DLL3: variants seen among roughly 807,000 people sequenced by gnomAD.
DLL3 encodes the protein delta like canonical Notch ligand 3.
A neutral mutation model predicts 55.0 loss-of-function variants in DLL3; 49 were observed. The observed-to-expected ratio is 0.89, with a 90% CI of 0.71 to 1.13. The LOEUF is 1.13. DLL3 is among the 50% of genes most tolerant of loss of function. The probability of loss-of-function intolerance (pLI) is 0.00; values close to 1 mark genes in which losing one functional copy is unlikely to be tolerated. For missense variants in DLL3, 962 were observed against 875.5 expected, an observed-to-expected ratio of 1.10 and a Z score of -1.25; for synonymous variants, 421 against 385.2, an observed-to-expected ratio of 1.09 and a Z score of -1.09.
At chr19:39,502,472 CA>C (rs1271482736) in intron 3 of DLL3, among the ~76,000 whole-genome samples, 1 of 151,976 alleles carries the variant, frequency 6.6e-6, no homozygotes, top group African/African-American at 2.4e-5. Flanking sequence ...ACGGTTTCAC[CA>C]TGTTGATCAG....
chr19:39,502,332 C>T (rs897017408), intron 3 of DLL3, among the ~76,000 whole-genome samples: 1 of 151,938 alleles, frequency 6.6e-6, no homozygotes, highest in African/African-American at 2.4e-5. Context: ...TGGCCGATCT[C>T]GGCTCACTGC....
chr19:39,505,078 G>C (rs760898374), intron 5 of DLL3, 151 bp from the exon 6 acceptor site: 1 of 762,372 alleles, frequency 1.3e-6, no homozygotes, highest in African/African-American at 1.7e-5. Context: ...GGAGTGGATC[G>C]AGGGGATGTC....
intron 3 of DLL3, among the ~76,000 whole-genome samples, chr19:39,502,545 T>C (rs192124904): frequency 1.6e-4 from 24 of 152,244 alleles, no homozygotes; most frequent in Non-Finnish European, 1.5e-4. Flanking sequence ...GATTTCAGGC[T>C]TGAGCCACCA....
In DLL3 at chr19:39,504,161, G is replaced by A; in HGVS notation, c.743G>A (p.Cys248Tyr). 6.2e-7 allele frequency: 1 copy of A among 1,612,446 alleles called. No homozygotes were observed. The highest frequency in any genetic ancestry group is 8.5e-7 in the Non-Finnish European group (1 of 1,180,006). ...RCLEGWTGPL[C>Y]TVPVSTSSCL... The stretch of plus-strand genomic sequence containing the variant: ...CTAGAGGGCTGGACTGGACCCCTCT[G>A]CACGGTCCCTGTCTCCACCAGCAGC... Residue 248 changes from cysteine (C) to tyrosine (Y), a missense_variant, in exon 5 of 9, where the codon TGC becomes TAC. Physicochemically the swap from Cys to Tyr is radical, Grantham distance 194. Transcript: ENST00000356433.
At chr19:39,507,017 T>C in intron 6 of DLL3, 22 bp from the exon 7 acceptor site, 1 of 1,532,224 alleles carries the variant, frequency 6.5e-7, no homozygotes, top group East Asian at 2.4e-5. Context: ...GACTGCGCCC[T>C]CTGATGCTCC....
rs936206835 is a variant in DLL3, at chr19:39,499,354, G to A, written c.232G>A (p.Ala78Thr). The stretch of plus-strand genomic sequence containing the variant: ...AGAGGAGGCCGCCGAGTCCCCGTGC[G>A]CCCTGGGCGCGGCGCTGAGTGCGCG... ...LSEEAAESPCALGAALSARGP... is the reference protein window; with the variant it reads ...LSEEAAESPCTLGAALSARGP... Residue 78 changes from alanine (A) to threonine (T), a missense_variant, in exon 2 of 9, where the codon GCC becomes ACC. Coordinates refer to ENST00000356433, the MANE Select transcript of DLL3 (RefSeq NM_203486.3). The A allele has an allele frequency of 1.9e-6, 3 of 1,556,274 alleles. No homozygotes were observed. The African/African-American group carries it at 4.1e-5, about 21-fold the overall frequency.
At chr19:39,499,691 G>A (rs545509452) in intron 2 of DLL3, among the ~76,000 whole-genome samples, 1 of 152,176 alleles carries the variant, frequency 6.6e-6, no homozygotes, top group South Asian at 2.1e-4. Flanking sequence ...CCCAACCCTG[G>A]ATGCTGGGAC....
intron 3 of DLL3, 43 bp from the exon 4 acceptor site, chr19:39,502,772 G>T (rs1436927157): frequency 1.5e-6 from 2 of 1,331,554 alleles, no homozygotes; most frequent in Non-Finnish European, 1.9e-6. Flanking sequence ...ATCCATGTTC[G>T]GCCGGGCCCA....
At chr19:39,506,062 ATT>A in intron 6 of DLL3, among the ~76,000 whole-genome samples, 1 of 152,074 alleles carries the variant, frequency 6.6e-6, no homozygotes, top group East Asian at 1.9e-4. Context: ...AATACAAAAA[ATT>A]AGCCGGGCGT....
intron 6 of DLL3, among the ~76,000 whole-genome samples, chr19:39,506,211 C>CAAAAAAAAAAAA: frequency 1.8e-5 from 1 of 54,534 alleles, no homozygotes; most frequent in South Asian, 6.5e-4. Context: ...CACTCTGTCT[C>CAAAAAAAAAAAA]AAAAAAAAAA....
chr19:39,500,726 G>T, intron 3 of DLL3, 54 bp downstream of exon 3: 1 of 1,512,944 alleles, frequency 6.6e-7, no homozygotes, highest in Admixed American at 1.7e-5. Flanking sequence ...CGTGAGACAC[G>T]GGGTTGGTGG....
At position 39,500,505 on chromosome 19, in the gene DLL3, A is replaced by G. The variant is rs559653962; in HGVS notation, c.352-110A>G. 538 of 862,158 alleles carry G rather than the reference A, an allele frequency of 6.2e-4. 4 individuals carry two copies. In the South Asian group the frequency reaches 6.7e-3, roughly 11 times the overall value. The allele number at this position is 862,158 out of a possible 1,614,324, so 53.4% of individuals were successfully genotyped here. On this transcript the variant is annotated intron_variant, in intron 2 of 8. Transcript: ENST00000356433. ...TCTGGGAATTGTCCCTTGCTTGCTC[A>G]GTCCCCAGCAATGGCCATCACCCTC...
intron 6 of DLL3, 108 bp downstream of exon 6, chr19:39,505,559 G>T: frequency 8.1e-7 from 1 of 1,232,708 alleles, no homozygotes. Context: ...TAGGGCCTGG[G>T]GACCTGACCT....
At chr19:39,507,718 G>T in intron 7 of DLL3, 100 bp downstream of exon 7, 2 of 1,596,574 alleles carry the variant, frequency 1.3e-6, no homozygotes, top group South Asian at 2.2e-5. Flanking sequence ...TTCCCTGGTC[G>T]GTCTCTCTTA....
rs2079635109 is a variant in DLL3, at chr19:39,505,467, C to T, written c.1093+16C>T. On this transcript the variant is annotated intron_variant, in intron 6 of 8. Coordinates refer to ENST00000356433, the MANE Select transcript of DLL3 (RefSeq NM_203486.3). ...TGCCGCAATGGTGAGGCCTGGAGGC[C>T]TGAACGGCGAGGGATGGGGTGGGGG... 4 of 1,613,234 alleles carry T rather than the reference C, an allele frequency of 2.5e-6. No individual in the cohort carries two copies. In the South Asian group the frequency reaches 3.3e-5, roughly 13 times the overall value.
chr19:39,507,137 C>A lies in DLL3; in HGVS notation c.1192C>A (p.Arg398Ser), dbSNP rs2079646122. ...GCACGACCTGGACGACTGCGCGGGC[C>A]GCGCCTGCGCTAACGGCGGCACGTG... ...CEHDLDDCAG[R>S]ACANGGTCVE... The change falls in exon 7 of 9, where the codon CGC becomes AGC. Residue 398 changes from arginine (R) to serine (S), a missense_variant. By Grantham distance (110) the Arg-to-Ser change is moderately radical. Transcript: ENST00000356433. The A allele has an allele frequency of 8.0e-6, 12 of 1,508,710 alleles. No individual in the cohort carries two copies. Among genetic ancestry groups the A allele is most frequent in the Non-Finnish European group, 9.7e-6 (11 of 1,137,316 alleles). The allele number at this position is 1,508,710 out of a possible 1,614,324, so 93.5% of individuals were successfully genotyped here.
At chr19:39,501,522 A>G (rs1732672691) in intron 3 of DLL3, among the ~76,000 whole-genome samples, 1 of 151,778 alleles carries the variant, frequency 6.6e-6, no homozygotes, top group Admixed American at 6.6e-5. Context: ...GGATCTTGCT[A>G]TGTTGCCCAG....
intron 6 of DLL3, among the ~76,000 whole-genome samples, chr19:39,506,211 CAAAAAAAAAAAA>C (rs541216671): frequency 9.2e-5 from 5 of 54,520 alleles, no homozygotes; most frequent in South Asian, 6.5e-4. Context: ...CACTCTGTCT[CAAAAAAAAAAAA>C]AAAAAAAAAA....
In DLL3 at chr19:39,499,308, C is replaced by G; in HGVS notation, c.186C>G (p.Val62=). The G allele has an allele frequency of 6.5e-7, 1 of 1,544,642 alleles. No individual in the cohort carries two copies. The highest frequency in any genetic ancestry group is 8.7e-7 in the Non-Finnish European group (1 of 1,149,408). ...TCCCCTGCCGCCTCTTCTTCAGAGT[C>G]TGCCTGAAGCCTGGGCTCTCAGAGG... ...ARLPCRLFFR[V]CLKPGLSEEA... is the part of the protein sequence containing the mutation. The change falls in exon 2 of 9, where the codon GTC becomes GTG. Residue 62 remains valine (V), a synonymous_variant. Coordinates refer to ENST00000356433, the MANE Select transcript of DLL3 (RefSeq NM_203486.3).
Sources: gnomAD v4.1 joint callset for allele counts (sites outside exome capture counted in the v4.1 genomes callset) on GRCh38, gnomAD v4.1.1 for gene constraint, MANE v1.5 for transcripts, NCBI Gene and HGNC (gene_info 2026-07-23, HGNC 2026-07-21) for gene names.